NUP214: variants seen among roughly 807,000 people sequenced by gnomAD.
NUP214 encodes nucleoporin 214, also known as nuclear pore complex protein Nup214.
Under a neutral mutation model 196.2 loss-of-function variants are expected in NUP214, and 79 were observed. The observed-to-expected ratio is 0.40, with a 90% CI of 0.34 to 0.49. NUP214 has a LOEUF of 0.49. NUP214 is among the 20% of genes least tolerant of loss of function. The pLI is 0.58. For missense variants in NUP214, 2,468 were observed against 2,539.0 expected (o/e 0.97, Z 0.60); for synonymous variants, 1,020 against 990.5 (o/e 1.03, Z -0.56).
At chr9:131,128,240 T>G in intron 2 of NUP214, 92 bp from the exon 3 acceptor site, 1 of 1,223,658 alleles carries the variant, frequency 8.2e-7, no homozygotes, top group Non-Finnish European at 1.1e-6. Context: ...TTTATGTAGA[T>G]GCAAAAATTT....
rs749833713 is a variant in NUP214 at position 131,159,390 on chromosome 9, G to A, written c.2444G>A (p.Arg815Gln). Residue 815 changes from arginine to glutamine, a missense_variant, in exon 18 of 36, where the codon CGG becomes CAG. Coordinates refer to ENST00000359428, the MANE Select transcript of NUP214 (RefSeq NM_005085.4). ...TTAATTTTTTTCTTATAGGAAATTCGGCGCCTTCATCAGTATGTGAAATTT... is the reference window on the plus strand; with the variant it reads ...TTAATTTTTTTCTTATAGGAAATTCAGCGCCTTCATCAGTATGTGAAATTT... ...PKSEAQLQEIRRLHQYVKFAV... is the reference protein window; with the variant it reads ...PKSEAQLQEIQRLHQYVKFAV... The A allele has an allele frequency of 1.1e-5, 17 of 1,611,700 alleles. No individual in the cohort carries two copies. Among genetic ancestry groups the A allele is most frequent in the East Asian group, 2.2e-5 (1 of 44,830 alleles).
intron 33 of NUP214, chr9:131,229,517 C>T (rs1305222618): frequency 5.9e-6 from 2 of 340,290 alleles, no homozygotes; most frequent in Non-Finnish European, 1.1e-5. Context: ...TATTTGAAAC[C>T]AGCTGTTTTC....
chr9:131,201,539 TG>T, intron 29 of NUP214, 107 bp from the exon 30 acceptor site: 2 of 808,644 alleles, frequency 2.5e-6, no homozygotes, highest in Non-Finnish European at 4.0e-6. Flanking sequence ...CACTCCAGCC[TG>T]GTGACAGAGC....
chr9:131,166,076 GAACTGTGTACTTTA>G (rs1198165042), intron 21 of NUP214, among the ~76,000 whole-genome samples: 1 of 152,146 alleles, frequency 6.6e-6, no homozygotes, highest in African/African-American at 2.4e-5. Flanking sequence ...TAATACCAAT[GAACTGTGTACTTTA>G]AAACACTTAA....
In NUP214 at chr9:131,234,368, C is replaced by T. The variant is rs918880547; in HGVS notation, c.*881C>T. The T allele has an allele frequency of 8.6e-6, 2 of 232,856 alleles. No homozygotes were observed. Among genetic ancestry groups the T allele is most frequent in the Non-Finnish European group, 1.7e-5 (2 of 117,886 alleles). 14.4% of individuals were successfully genotyped at this position (232,856 alleles called of 1,614,324 possible). On this transcript the variant is annotated 3_prime_UTR_variant, in exon 36 of 36. Transcript: ENST00000359428. The stretch of plus-strand genomic sequence containing the variant: ...ACTAGCAGAACGATGCTGGATTTGA[C>T]AACAGTGTTTGCTAGGACGGCCCAG...
At chr9:131,230,607 G>A in intron 33 of NUP214, 23 bp from the exon 34 acceptor site, 1 of 1,612,950 alleles carries the variant, frequency 6.2e-7, no homozygotes, top group Non-Finnish European at 8.5e-7. Context: ...ACTGACCTCA[G>A]TCTGTTTCTC....
intron 24 of NUP214, among the ~76,000 whole-genome samples, chr9:131,184,031 T>TC (rs1474499151): frequency 3.7e-5 from 5 of 135,978 alleles, no homozygotes; most frequent in African/African-American, 1.4e-4. Flanking sequence ...TTTTTCTTTT[T>TC]TTTTTTTTTT....
At chr9:131,227,983 G>GGT (rs1174657538) in intron 32 of NUP214, among the ~76,000 whole-genome samples, 177 bp from the exon 33 acceptor site, 5 of 149,932 alleles carry the variant, frequency 3.3e-5, no homozygotes, top group African/African-American at 1.2e-4. Flanking sequence ...TTGATAGAAG[G>GGT]GCGGGGGGGA....
intron 12 of NUP214, among the ~76,000 whole-genome samples, 153 bp from the exon 13 acceptor site, chr9:131,145,976 G>A (rs1832076567): frequency 6.6e-6 from 1 of 152,142 alleles, no homozygotes; most frequent in African/African-American, 2.4e-5. Flanking sequence ...ATAAGAAATA[G>A]CTAAACATTT....
intron 24 of NUP214, among the ~76,000 whole-genome samples, chr9:131,180,888 A>T (rs1334242673): frequency 2.0e-5 from 3 of 152,230 alleles, no homozygotes; most frequent in African/African-American, 7.2e-5. Context: ...TATGCCACAC[A>T]GTATTCTTAG....
intron 30 of NUP214, among the ~76,000 whole-genome samples, chr9:131,206,339 G>T (rs1417079017): frequency 1.3e-5 from 2 of 150,210 alleles, no homozygotes; most frequent in East Asian, 4.0e-4. Flanking sequence ...TAGAGACGGG[G>T]TTTCACATGT....
chr9:131,171,506 G>A (rs912372395), intron 21 of NUP214, among the ~76,000 whole-genome samples: 6 of 151,434 alleles, frequency 4.0e-5, no homozygotes, highest in African/African-American at 1.2e-4. Context: ...AAACCTAGCG[G>A]CTTAAAACAG....
chr9:131,229,591 TAGTC>T lies in NUP214; in HGVS notation c.6075-1034_6075-1031del, dbSNP rs766246383. On this transcript the variant is annotated intron_variant, in intron 33 of 35. Transcript: ENST00000359428. The stretch of plus-strand genomic sequence containing the variant: ...CTCACACAAATCCCGATTGGCTGGT[TAGTC>T]AGTCCTAAAAAAGGTTAATGCCAGG... 7.2e-4 allele frequency: 294 copies of T among 410,914 alleles called. 1 individual carries two copies. The highest frequency in any genetic ancestry group is 2.3e-4 in the Non-Finnish European group (48 of 211,628). The allele number at this position is 410,914 out of a possible 1,614,324, so 25.5% of individuals were successfully genotyped here.
rs1831592285 is a variant in NUP214 at position 131,132,667 on chromosome 9, C to T, written c.727+8C>T. 6.2e-7 allele frequency: 1 copy of T among 1,612,402 alleles called. No homozygotes were observed. Among genetic ancestry groups the T allele is most frequent in the Admixed American group, 1.7e-5 (1 of 59,990 alleles). ...CAGATCATCCTGTCAGAGGTAACAA[C>T]TGCTTTTCTTATTGGGCTGACCTCT... On this transcript the variant is annotated splice_region_variant and intron_variant, in intron 6 of 35. Coordinates refer to ENST00000359428, the MANE Select transcript of NUP214 (RefSeq NM_005085.4).
At chr9:131,210,401 G>A (rs866323145) in intron 30 of NUP214, among the ~76,000 whole-genome samples, 14 of 152,072 alleles carry the variant, frequency 9.2e-5, no homozygotes, top group African/African-American at 2.4e-4. Flanking sequence ...AGGCCAAGGC[G>A]GGCGGATCAC....
chr9:131,163,047 A>G lies in NUP214; in HGVS notation c.2597A>G (p.Glu866Gly). 6.2e-7 allele frequency: 1 copy of G among 1,614,244 alleles called. No homozygotes were observed. Among genetic ancestry groups the G allele is most frequent in the Non-Finnish European group, 8.5e-7 (1 of 1,180,044 alleles). Residue 866 changes from glutamate to glycine, a missense_variant, in exon 19 of 36, where the codon GAA (glutamate) becomes GGA (glycine). Physicochemically the swap from Glu to Gly is moderately conservative, Grantham distance 98 (BLOSUM62 -2). Transcript: ENST00000359428. ...TLFNTLANNR[E>G]IINQQRKRLN... Reference sequence around the variant, plus strand: ...TTTAACACCCTAGCCAACAATCGGGAAATCATCAACCAACAGAGGAAGAGG... The same window carrying G: ...TTTAACACCCTAGCCAACAATCGGGGAATCATCAACCAACAGAGGAAGAGG...
At chr9:131,170,311 A>G (rs1231888856) in intron 21 of NUP214, among the ~76,000 whole-genome samples, 1 of 152,168 alleles carries the variant, frequency 6.6e-6, no homozygotes. Flanking sequence ...CTCCGTCTTT[A>G]AAAAAAGAAA....
intron 8 of NUP214, 55 bp downstream of exon 8, chr9:131,135,059 A>C (rs940315487): frequency 6.8e-6 from 8 of 1,185,178 alleles, no homozygotes; most frequent in Non-Finnish European, 1.0e-5. Flanking sequence ...ATCACACCTG[A>C]GTCACCTTGT....
chr9:131,204,615 G>A (rs1247574515), intron 30 of NUP214, among the ~76,000 whole-genome samples: 1 of 152,202 alleles, frequency 6.6e-6, no homozygotes, highest in Non-Finnish European at 1.5e-5. Flanking sequence ...TAACTAGAAG[G>A]TAGGTTAAGG....
Sources: allele counts gnomAD v4.1 joint callset (sites outside exome capture counted in the v4.1 genomes callset), GRCh38; gene constraint gnomAD v4.1.1; transcripts MANE v1.5; gene names NCBI Gene and HGNC (gene_info 2026-07-23, HGNC 2026-07-21).